The following AFF1 variants were observed in gnomAD, a reference collection of about 807,000 sequenced individuals.
AFF1 encodes the protein AF4/FMR2 family member 1.
Under a neutral mutation model 121.7 loss-of-function variants are expected in AFF1, and 48 were observed. That is an observed-to-expected ratio of 0.39 (90% confidence interval 0.31 to 0.50). The LOEUF is 0.50. Among genes scored for constraint, AFF1 ranks in the 20% least tolerant of loss-of-function variants. The probability of loss-of-function intolerance (pLI) is 0.76; values close to 1 mark genes in which losing one functional copy is unlikely to be tolerated. For missense variants in AFF1, 1,523 were observed against 1,511.7 expected (o/e 1.01, Z -0.12); for synonymous variants, 613 against 563.0 (o/e 1.09, Z -1.26).
intron 2 of AFF1, among the ~76,000 whole-genome samples, chr4:87,033,790 A>G (rs1054974714): frequency 2.0e-5 from 3 of 151,838 alleles, no homozygotes; most frequent in Non-Finnish European, 4.4e-5. Flanking sequence ...GTTCTTCATA[A>G]CTGCCTGTTT....
At chr4:87,085,439 C>CTT (rs912612374) in intron 5 of AFF1, among the ~76,000 whole-genome samples, 4 of 135,010 alleles carry the variant, frequency 3.0e-5, no homozygotes, top group Non-Finnish European at 4.9e-5. Context: ...CTTTTTTCTT[C>CTT]TTTTTTTTTT....
chr4:86,987,889 A>G (rs1483979905), intron 2 of AFF1, among the ~76,000 whole-genome samples: 1 of 151,382 alleles, frequency 6.6e-6, no homozygotes, highest in Non-Finnish European at 1.5e-5. Context: ...GGAGGTGGAG[A>G]TTGCAGTGAG....
At chr4:86,977,793 A>T (rs944624514) in intron 2 of AFF1, among the ~76,000 whole-genome samples, 9 of 152,212 alleles carry the variant, frequency 5.9e-5, no homozygotes, top group Non-Finnish European at 1.2e-4. Flanking sequence ...AATTGCTTTG[A>T]AAGGTTTACC....
intron 5 of AFF1, 134 bp from the exon 6 acceptor site, chr4:87,089,847 TAAG>T: frequency 1.6e-6 from 1 of 640,178 alleles, no homozygotes; most frequent in Non-Finnish European, 2.6e-6. Flanking sequence ...TTGTTTTTTT[TAAG>T]TACATGAAAT....
At position 87,046,679 on chromosome 4, in the gene AFF1, T is replaced by C. The variant is rs779037445; in HGVS notation, c.160-16T>C. 1.9e-6 allele frequency: 3 copies of C among 1,583,172 alleles called. No individual in the cohort carries two copies. The African/African-American group carries it at 4.1e-5, about 22-fold the overall frequency. ...CCTTAGTTTTTTTTCATTCTCAAAT[T>C]CTCCTTTTTTTTCAGACAGCAAAAG... On this transcript the variant is annotated splice_polypyrimidine_tract_variant and intron_variant, in intron 3 of 20. Coordinates refer to ENST00000395146, the MANE Select transcript of AFF1 (RefSeq NM_001166693.3).
intron 2 of AFF1, chr4:87,006,981 G>A (rs1726198893): frequency 9.4e-7 from 1 of 1,065,826 alleles, no homozygotes; most frequent in Non-Finnish European, 1.1e-6. Context: ...CTTCAAGTGA[G>A]CCCAGAGGCA....
At chr4:87,093,993 A>C (rs977889371) in intron 7 of AFF1, among the ~76,000 whole-genome samples, 2 of 152,068 alleles carry the variant, frequency 1.3e-5, no homozygotes, top group Admixed American at 1.3e-4. Flanking sequence ...TAGATCATTG[A>C]TGTGTCTCAT....
intron 8 of AFF1, 39 bp downstream of exon 8, chr4:87,095,008 A>G: frequency 1.9e-6 from 3 of 1,573,510 alleles, no homozygotes; most frequent in Non-Finnish European, 2.6e-6. Context: ...ATTTTGTAGT[A>G]TGAAATTGTA....
At chr4:87,083,595 C>T (rs769998641) in intron 4 of AFF1, among the ~76,000 whole-genome samples, 2 of 152,082 alleles carry the variant, frequency 1.3e-5, no homozygotes, top group Non-Finnish European at 2.9e-5. Context: ...GGCACCTATT[C>T]TAATCTTATT....
At chr4:86,988,579 A>G (rs555614203) in intron 2 of AFF1, among the ~76,000 whole-genome samples, 5 of 152,304 alleles carry the variant, frequency 3.3e-5, no homozygotes, top group Admixed American at 1.3e-4. Context: ...GTGCTCATGG[A>G]TAGGAAGAAT....
intron 1 of AFF1, among the ~76,000 whole-genome samples, chr4:86,941,290 T>C (rs1298958616): frequency 6.6e-6 from 1 of 152,114 alleles, no homozygotes; most frequent in African/African-American, 2.4e-5. Context: ...GTGGGAGGAT[T>C]GCATGAGCTC....
intron 8 of AFF1, among the ~76,000 whole-genome samples, chr4:87,105,370 G>A (rs1464795278): frequency 2.0e-5 from 3 of 152,186 alleles, no homozygotes; most frequent in Admixed American, 6.5e-5. Flanking sequence ...ATGTGAAAGA[G>A]TCTGTTTTGA....
intron 2 of AFF1, among the ~76,000 whole-genome samples, chr4:86,995,906 G>A (rs1295848669): frequency 5.3e-5 from 8 of 151,548 alleles, no homozygotes; most frequent in Admixed American, 3.9e-4. Context: ...GAGATGTGGG[G>A]AGCACCTCTG....
At chr4:87,007,568 G>T in intron 2 of AFF1, 1 of 1,141,192 alleles carries the variant, frequency 8.8e-7, no homozygotes, top group South Asian at 1.4e-5. Flanking sequence ...GCTGTGGCTT[G>T]ACTAAATGTC....
At chr4:86,951,242 C>G (rs1721281612) in intron 2 of AFF1, among the ~76,000 whole-genome samples, 1 of 152,082 alleles carries the variant, frequency 6.6e-6, no homozygotes, top group South Asian at 2.1e-4. Context: ...ATTGGTGTGC[C>G]ATCAAATGCT....
intron 4 of AFF1, among the ~76,000 whole-genome samples, chr4:87,049,000 T>C: frequency 6.7e-6 from 1 of 148,290 alleles, no homozygotes; most frequent in Non-Finnish European, 1.5e-5. Flanking sequence ...TCCCCCTGCC[T>C]TCTAATTCAG....
intron 4 of AFF1, among the ~76,000 whole-genome samples, chr4:87,073,688 A>G (rs569784106): frequency 6.6e-6 from 1 of 152,352 alleles, no homozygotes; most frequent in Admixed American, 6.5e-5. Context: ...GGCCTCATCC[A>G]GAAACTGATA....
chr4:87,082,998 G>A (rs1445016974), intron 4 of AFF1, among the ~76,000 whole-genome samples: 1 of 152,224 alleles, frequency 6.6e-6, no homozygotes, highest in Non-Finnish European at 1.5e-5. Context: ...AGCAGTGGCA[G>A]TAATGGGAAA....
At chr4:87,074,763 T>C (rs1344728014) in intron 4 of AFF1, among the ~76,000 whole-genome samples, 5 of 152,238 alleles carry the variant, frequency 3.3e-5, no homozygotes, top group Non-Finnish European at 7.3e-5. Context: ...TCAAAAATTA[T>C]ATTGTATGTG....
Sources: allele counts gnomAD v4.1 joint callset (sites outside exome capture counted in the v4.1 genomes callset), GRCh38; gene constraint gnomAD v4.1.1; transcripts MANE v1.5; gene names NCBI Gene and HGNC (gene_info 2026-07-23, HGNC 2026-07-21).